The following RAB40C variants were observed in gnomAD, a reference collection of about 807,000 sequenced individuals.
The protein encoded by RAB40C is RAB40C, member RAS oncogene family, also known as ras-related protein Rab-40C.
Under a neutral mutation model 28.1 loss-of-function variants are expected in RAB40C, and 8 were observed. The observed-to-expected ratio is 0.28, with a 90% CI of 0.17 to 0.51. The LOEUF (loss-of-function observed/expected upper bound fraction) is 0.51. Ranked by LOEUF, RAB40C falls within the 20% of genes least tolerant of loss-of-function variation. RAB40C has a pLI of 0.97. For missense variants in RAB40C, 288 were observed against 405.9 expected (o/e 0.71, Z 2.50); for synonymous variants, 201 against 171.7 (o/e 1.17, Z -1.34).
intron 3 of RAB40C, among the ~76,000 whole-genome samples, chr16:622,310 G>A (rs576378764): frequency 6.6e-6 from 1 of 152,292 alleles, no homozygotes; most frequent in East Asian, 1.9e-4. Context: ...AGCAGGCGGG[G>A]GTGCTGGGCC....
chr16:604,042 GTTC>G (rs1043679199), intron 1 of RAB40C, among the ~76,000 whole-genome samples: 4 of 150,718 alleles, frequency 2.7e-5, no homozygotes, highest in East Asian at 4.0e-4. Flanking sequence ...ATGTGAACGA[GTTC>G]TTCTTTTTTC....
Position 590,223 on chromosome 16 carries a change from CT to C in RAB40C, c.-68del. On this transcript the variant is annotated 5_prime_UTR_variant, in exon 1 of 6. Coordinates refer to ENST00000248139, the MANE Select transcript of RAB40C (RefSeq NM_021168.5). ...CGGGCGCAGGTGCGGGGCGCGGGCT[CT>C]CTCACGCCGCGGCCTCACCCGGCGG... The C allele has an allele frequency of 8.1e-7, 1 of 1,229,728 alleles. No individual in the cohort carries two copies. Among genetic ancestry groups the C allele is most frequent in the Non-Finnish European group, 1.0e-6 (1 of 976,632 alleles). 76.2% of individuals were successfully genotyped at this position (1,229,728 alleles called of 1,614,324 possible).
rs117503696 is a variant in RAB40C, at chr16:623,060, C to T, written c.265-2372C>T. ...TGTGCCATCGCCCCTGCCCGTAACC[C>T]CTACTCCTCAGACATGGCCATCCCA... On this transcript the variant is annotated intron_variant, in intron 3 of 5. Transcript: ENST00000248139. Among the ~76,000 whole-genome samples the T allele has an allele frequency of 1.9e-4, 29 of 152,308 alleles. No homozygotes were observed. The East Asian group carries it at 5.4e-3, about 28-fold the overall frequency.
In RAB40C at chr16:594,502, C is replaced by T. The variant is rs145757340; in HGVS notation, c.142+4069C>T. Among the ~76,000 whole-genome samples the T allele has an allele frequency of 3.9e-4, 59 of 152,326 alleles. No individual in the cohort carries two copies. In the East Asian group the frequency reaches 8.3e-3, roughly 21 times the overall value. ...GGGTGTCCCAGCTTCTTCGGCTTCACGACTCCCTGAGCTTTCTCCAAACAG... is the reference window on the plus strand; with the variant it reads ...GGGTGTCCCAGCTTCTTCGGCTTCATGACTCCCTGAGCTTTCTCCAAACAG... On this transcript the variant is annotated intron_variant, in intron 1 of 5. Transcript: ENST00000248139.
chr16:608,636 G>A (rs1596406050), intron 1 of RAB40C, among the ~76,000 whole-genome samples: 1 of 152,130 alleles, frequency 6.6e-6, no homozygotes, highest in African/African-American at 2.4e-5. Flanking sequence ...TTAGGAGGCC[G>A]AGGCAGGCAG....
chr16:624,537 G>C (rs918176706), intron 3 of RAB40C: 4 of 985,292 alleles, frequency 4.1e-6, no homozygotes, highest in African/African-American at 3.5e-5. Context: ...CAGTCTTCCA[G>C]ATATCGAAAG....
intron 3 of RAB40C, among the ~76,000 whole-genome samples, chr16:620,870 C>T (rs2151078446): frequency 6.6e-6 from 1 of 152,166 alleles, no homozygotes; most frequent in East Asian, 1.9e-4. Context: ...CCAGCTCCCA[C>T]ACAGGGAGGT....
intron 1 of RAB40C, among the ~76,000 whole-genome samples, chr16:594,785 T>TCC (rs2036075649): frequency 6.6e-6 from 1 of 150,386 alleles, no homozygotes; most frequent in African/African-American, 2.4e-5. Flanking sequence ...TCCCTTCTCC[T>TCC]CCCCTGCACT....
intron 1 of RAB40C, 24 bp downstream of exon 1, chr16:590,457 G>C: frequency 1.3e-6 from 2 of 1,545,358 alleles, no homozygotes; most frequent in Non-Finnish European, 1.7e-6. Flanking sequence ...CGCGGCGCGC[G>C]CTGCTACGCG....
intron 1 of RAB40C, among the ~76,000 whole-genome samples, chr16:599,123 C>G (rs1229475737): frequency 1.3e-5 from 2 of 152,212 alleles, no homozygotes; most frequent in African/African-American, 2.4e-5. Flanking sequence ...TGACACTGAT[C>G]AGGGTTGCCG....
intron 3 of RAB40C, among the ~76,000 whole-genome samples, chr16:623,271 C>T (rs768826083): frequency 3.3e-5 from 5 of 152,230 alleles, no homozygotes; most frequent in South Asian, 4.1e-4. Flanking sequence ...CAAAAGTTAC[C>T]CCTCTCCAGC....
At chr16:615,196 C>T (rs2036562094) in intron 1 of RAB40C, among the ~76,000 whole-genome samples, 1 of 152,150 alleles carries the variant, frequency 6.6e-6, no homozygotes, top group South Asian at 2.1e-4. Context: ...ATTTTTCTGT[C>T]CATTGATGGT....
chr16:617,622 C>T (rs576525761), intron 2 of RAB40C, among the ~76,000 whole-genome samples: 4 of 141,094 alleles, frequency 2.8e-5, no homozygotes, highest in African/African-American at 9.9e-5. Context: ...GCAGGAGGAT[C>T]ACCTGAGGTC....
chr16:604,725 T>C (rs1429499258), intron 1 of RAB40C, among the ~76,000 whole-genome samples: 2 of 152,258 alleles, frequency 1.3e-5, no homozygotes, highest in Non-Finnish European at 2.9e-5. Flanking sequence ...TTGCCCAGCC[T>C]GGGCAACATA....
chr16:590,388 A>T lies in RAB40C; in HGVS notation c.97A>T (p.Ser33Cys). 4.4e-6 allele frequency: 7 copies of T among 1,596,146 alleles called. No individual in the cohort carries two copies. Among genetic ancestry groups the T allele is most frequent in the Non-Finnish European group, 6.0e-6 (7 of 1,173,118 alleles). The change falls in exon 1 of 6, where the codon AGC becomes TGC. Residue 33 changes from serine (S) to cysteine (C), a missense_variant. Physicochemically the swap from Ser to Cys is moderately radical, Grantham distance 112. Transcript: ENST00000248139. Reference protein sequence around the residue: ...SDVGKGEILESLQDGAAESPY... With the variant: ...SDVGKGEILECLQDGAAESPY... ...CGTGGGCAAGGGCGAGATCCTGGAG[A>T]GCCTGCAGGACGGCGCGGCAGAGTC...
chr16:624,407 G>C (rs1029077165), intron 3 of RAB40C: 1 of 985,326 alleles, frequency 1.0e-6, no homozygotes, highest in Non-Finnish European at 1.2e-6. Flanking sequence ...CTCTGGCCTC[G>C]AAGGGTCTCC....
At chr16:596,199 T>TA (rs2036120760) in intron 1 of RAB40C, 1 of 427,214 alleles carries the variant, frequency 2.3e-6, no homozygotes, top group Non-Finnish European at 4.8e-6. Context: ...CACGATGAGC[T>TA]AAATTGAACA....
intron 1 of RAB40C, among the ~76,000 whole-genome samples, chr16:593,164 G>A (rs1240832313): frequency 6.6e-6 from 1 of 151,382 alleles, no homozygotes; most frequent in Non-Finnish European, 1.5e-5. Flanking sequence ...CACAGCACAA[G>A]GAGCAGGTCT....
chr16:627,787 G>T lies in RAB40C; in HGVS notation c.*165G>T. The T allele has an allele frequency of 3.5e-6, 3 of 852,006 alleles. No homozygotes were observed. The highest frequency in any genetic ancestry group is 5.0e-6 in the Non-Finnish European group (3 of 603,032). The allele number at this position is 852,006 out of a possible 1,614,324, so 52.8% of individuals were successfully genotyped here. On this transcript the variant is annotated 3_prime_UTR_variant, in exon 6 of 6. Coordinates refer to ENST00000248139, the MANE Select transcript of RAB40C (RefSeq NM_021168.5). ...GCCGGGTGCGAGGAGGAGCATGCAC[G>T]GACCAAGCGCGGCAGGCGGGAGGAG...
Sources: allele counts gnomAD v4.1 joint callset (sites outside exome capture counted in the v4.1 genomes callset), GRCh38; gene constraint gnomAD v4.1.1; transcripts MANE v1.5; gene names NCBI Gene and HGNC (gene_info 2026-07-23, HGNC 2026-07-21).